YAE1: variants seen among roughly 807,000 people sequenced by gnomAD.
YAE1 encodes the protein protein YAE1 homolog.
YAE1 carries 22 observed loss-of-function variants against 23.0 expected under a neutral mutation model. The observed-to-expected ratio is 0.96, with a 90% CI of 0.68 to 1.37. The LOEUF (loss-of-function observed/expected upper bound fraction) is 1.37. YAE1 is among the 40% of genes most tolerant of loss of function. YAE1 has a pLI of 0.00. For synonymous variants in YAE1, 101 were observed against 97.0 expected, an observed-to-expected ratio of 1.04 and a Z score of -0.24; for missense variants, 260 against 262.1, an observed-to-expected ratio of 0.99 and a Z score of 0.06.
chr7:39,599,012 G>A (rs960545829), intron 2 of YAE1, among the ~76,000 whole-genome samples: 1 of 152,056 alleles, frequency 6.6e-6, no homozygotes, highest in Non-Finnish European at 1.5e-5. Flanking sequence ...GGAGGCCAAG[G>A]CAGGCAGTTC....
exon 3 of YAE1, chr7:39,609,896 C>T: frequency 6.5e-7 from 1 of 1,531,996 alleles, no homozygotes; most frequent in East Asian, 2.5e-5. Context: ...CTGCAGCAGC[C>T]TGCCCCGCCT....
At chr7:39,580,566 G>A (rs1486529467) in intron 2 of YAE1, among the ~76,000 whole-genome samples, 1 of 152,132 alleles carries the variant, frequency 6.6e-6, no homozygotes, top group Non-Finnish European at 1.5e-5. Context: ...TCTTTCTTTC[G>A]AAGAAGCTGT....
chr7:39,568,308 G>A (rs568126597), intron 1 of YAE1, among the ~76,000 whole-genome samples: 1 of 151,896 alleles, frequency 6.6e-6, no homozygotes, highest in Non-Finnish European at 1.5e-5. Flanking sequence ...ATTACAGACT[G>A]TAAAATTAAT....
chr7:39,605,975 C>T (rs1013100615), intron 2 of YAE1, among the ~76,000 whole-genome samples: 18 of 151,500 alleles, frequency 1.2e-4, no homozygotes, highest in Middle Eastern at 6.8e-3. Context: ...ACACAGAGTT[C>T]TTTTTACTAG....
intron 1 of YAE1, 36 bp downstream of exon 1, chr7:39,566,583 G>A: frequency 9.3e-6 from 15 of 1,610,918 alleles, no homozygotes; most frequent in Non-Finnish European, 1.3e-5. Context: ...GTGCTGGGTT[G>A]TGGGAAGAGG....
chr7:39,580,055 A>G (rs916441477), intron 2 of YAE1, among the ~76,000 whole-genome samples: 1 of 152,200 alleles, frequency 6.6e-6, no homozygotes, highest in Non-Finnish European at 1.5e-5. Context: ...TAAAAAAACA[A>G]AAAAAGCATA....
intron 2 of YAE1, among the ~76,000 whole-genome samples, chr7:39,592,537 T>C (rs1790915512): frequency 6.6e-6 from 1 of 152,164 alleles, no homozygotes; most frequent in South Asian, 2.1e-4. Flanking sequence ...AAGTCAAAAA[T>C]GCACATACTA....
At chr7:39,602,942 T>C (rs982311282) in intron 2 of YAE1, among the ~76,000 whole-genome samples, 6 of 151,446 alleles carry the variant, frequency 4.0e-5, no homozygotes, top group African/African-American at 1.5e-4. Flanking sequence ...AGACATGAGG[T>C]TTCACGATGT....
rs1190365589 is a variant in YAE1, at chr7:39,566,446, A to T, written c.28A>T (p.Ile10Phe). MSWVQAASL[I>F]QGPGDKGDVF... is the part of the protein sequence containing the mutation. ...GTCGTGGGTTCAAGCAGCCTCCTTG[A>T]TCCAGGGCCCTGGAGACAAAGGGGA... Residue 10 changes from isoleucine to phenylalanine, a missense_variant, in exon 1 of 3, where the codon ATC becomes TTC. Transcript: ENST00000223273. 1 of 1,614,130 alleles carries T rather than the reference A, an allele frequency of 6.2e-7. No homozygotes were observed. Among genetic ancestry groups the T allele is most frequent in the Non-Finnish European group, 8.5e-7 (1 of 1,180,002 alleles).
At chr7:39,604,251 AC>A (rs978034437) in intron 2 of YAE1, among the ~76,000 whole-genome samples, 4 of 152,186 alleles carry the variant, frequency 2.6e-5, no homozygotes, top group African/African-American at 7.2e-5. Flanking sequence ...AAATTTGGAA[AC>A]CTTTTCAAGA....
intron 2 of YAE1, among the ~76,000 whole-genome samples, chr7:39,591,889 A>G (rs1180334838): frequency 6.6e-6 from 1 of 152,100 alleles, no homozygotes; most frequent in African/African-American, 2.4e-5. Context: ...ACACTTATGT[A>G]TTTTTGCCTT....
chr7:39,572,233 A>C (rs748446037), intron 2 of YAE1, 44 bp from the exon 3 acceptor site: 3 of 1,524,924 alleles, frequency 2.0e-6, no homozygotes, highest in East Asian at 2.3e-5. Context: ...TTATATTTTT[A>C]AGTCCTATTT....
At chr7:39,611,895 A>G (rs75053859), downstream of YAE1, among the ~76,000 whole-genome samples, 3,871 of 152,298 alleles carry the variant, frequency 0.025, 163 homozygotes, top group African/African-American at 0.086. Flanking sequence ...TACCTTCCCA[A>G]ATAAGGTAAT....
downstream of YAE1, among the ~76,000 whole-genome samples, chr7:39,575,575 A>AGAGAGG (rs1339594299): frequency 1.2e-5 from 1 of 81,728 alleles, no homozygotes; most frequent in African/African-American, 7.3e-5. Context: ...AGAGAGAGAG[A>AGAGAGG]GAGTGAGTGT....
chr7:39,599,599 G>A (rs1217516889), intron 2 of YAE1, among the ~76,000 whole-genome samples: 1 of 152,002 alleles, frequency 6.6e-6, no homozygotes, highest in Non-Finnish European at 1.5e-5. Context: ...ATTATAAGAA[G>A]TTATTACCTC....
At chr7:39,600,023 A>G (rs886661604) in intron 2 of YAE1, among the ~76,000 whole-genome samples, 1 of 152,074 alleles carries the variant, frequency 6.6e-6, no homozygotes, top group African/African-American at 2.4e-5. Context: ...TCCCCTTTTT[A>G]TTTCATTTCC....
intron 2 of YAE1, among the ~76,000 whole-genome samples, chr7:39,585,078 G>A (rs1426007601): frequency 1.3e-5 from 2 of 152,172 alleles, no homozygotes; most frequent in Non-Finnish European, 2.9e-5. Context: ...TTTCTTATGT[G>A]GAGATTCTGA....
chr7:39,604,994 G>A (rs759924795), intron 2 of YAE1, among the ~76,000 whole-genome samples: 27 of 152,176 alleles, frequency 1.8e-4, no homozygotes, highest in Non-Finnish European at 3.1e-4. Flanking sequence ...GTTAGAAGAA[G>A]AACAAATGTC....
intron 2 of YAE1, among the ~76,000 whole-genome samples, chr7:39,604,609 G>A (rs990877783): frequency 1.3e-5 from 2 of 152,104 alleles, no homozygotes; most frequent in Non-Finnish European, 2.9e-5. Context: ...TACTTGGATT[G>A]GGCAACTTGA....
Sources: gnomAD v4.1 joint callset for allele counts (sites outside exome capture counted in the v4.1 genomes callset) on GRCh38, gnomAD v4.1.1 for gene constraint, MANE v1.5 for transcripts, NCBI Gene and HGNC (gene_info 2026-07-23, HGNC 2026-07-21) for gene names.